The following RARB variants were observed in gnomAD, a reference collection of about 807,000 sequenced individuals.
RARB encodes retinoic acid receptor beta, also known as HBV-activated protein.
Under a neutral mutation model 51.9 loss-of-function variants are expected in RARB, and 17 were observed. The ratio of observed to expected loss-of-function variants is 0.33; its 90% CI spans 0.22 to 0.49. The LOEUF is 0.49. Ranked by LOEUF, RARB falls within the 20% of genes least tolerant of loss-of-function variation. RARB has a pLI of 0.99. For missense variants in RARB, 369 were observed against 550.8 expected, an observed-to-expected ratio of 0.67 and a Z score of 3.30; for synonymous variants, 215 against 195.4, an observed-to-expected ratio of 1.10 and a Z score of -0.84.
At chr3:25,329,744 C>G (rs562630965) in intron 5 of RARB, among the ~76,000 whole-genome samples, 9 of 152,080 alleles carry the variant, frequency 5.9e-5, no homozygotes, top group South Asian at 2.1e-4. Flanking sequence ...TGAAACCCAT[C>G]GCAAAGAAGC....
intron 1 of RARB, among the ~76,000 whole-genome samples, chr3:24,846,884 A>G (rs1239368475): frequency 6.6e-6 from 1 of 152,084 alleles, no homozygotes; most frequent in South Asian, 2.1e-4. Flanking sequence ...AAAAAAAAAA[A>G]GGAAGAGAAG....
chr3:24,852,021 C>T (rs1183342999), intron 1 of RARB, among the ~76,000 whole-genome samples: 5 of 152,238 alleles, frequency 3.3e-5, no homozygotes, highest in South Asian at 4.1e-4. Flanking sequence ...CTTGCATTTA[C>T]GTTTTGTGGC....
intron 5 of RARB, among the ~76,000 whole-genome samples, chr3:25,256,904 G>C (rs9829952): frequency 0.77 from 117,681 of 152,026 alleles, 46,008 homozygotes; most frequent in East Asian, 0.86. Flanking sequence ...CTGTCTCAGC[G>C]TCTTCTCATT....
chr3:24,966,636 C>CTG (rs1696280408), intron 2 of RARB, among the ~76,000 whole-genome samples: 1 of 150,130 alleles, frequency 6.7e-6, no homozygotes, highest in African/African-American at 2.5e-5. Flanking sequence ...CTCTCTCTCT[C>CTG]TCTCTCTCTG....
At chr3:25,263,239 C>G (rs1703050192) in intron 5 of RARB, among the ~76,000 whole-genome samples, 1 of 152,010 alleles carries the variant, frequency 6.6e-6, no homozygotes, top group South Asian at 2.1e-4. Context: ...TATCACTTAT[C>G]AGACCTTTTT....
intron 4 of RARB, among the ~76,000 whole-genome samples, chr3:25,134,524 G>A (rs185514821): frequency 2.0e-5 from 3 of 152,018 alleles, no homozygotes; most frequent in East Asian, 1.9e-4. Flanking sequence ...GAGCTAAAAC[G>A]TGTACAGTTC....
chr3:25,504,220 C>T (rs936365906), intron 3 of RARB, among the ~76,000 whole-genome samples: 1 of 152,202 alleles, frequency 6.6e-6, no homozygotes, highest in Non-Finnish European at 1.5e-5. Context: ...TTCTCTTTGT[C>T]TCTCACAGCT....
intron 2 of RARB, among the ~76,000 whole-genome samples, chr3:24,963,395 T>G (rs1052192239): frequency 1.4e-5 from 2 of 145,024 alleles, no homozygotes; most frequent in African/African-American, 5.0e-5. Context: ...GCTAAAACAT[T>G]AGGGCCTAAT....
At chr3:25,275,734 T>C (rs1187724527) in intron 5 of RARB, among the ~76,000 whole-genome samples, 2 of 145,800 alleles carry the variant, frequency 1.4e-5, no homozygotes, top group African/African-American at 2.6e-5. Context: ...ATGAGAACAC[T>C]TGGACACAGG....
At chr3:25,259,060 T>C (rs777967407) in intron 5 of RARB, 708 of 985,140 alleles carry the variant, frequency 7.2e-4, no homozygotes, top group Non-Finnish European at 8.0e-4. Flanking sequence ...AATGTGAACA[T>C]ACTTCAGTAT....
At chr3:24,900,839 G>C (rs1703588987) in intron 2 of RARB, among the ~76,000 whole-genome samples, 1 of 152,054 alleles carries the variant, frequency 6.6e-6, no homozygotes. Flanking sequence ...GGGAAAAGTT[G>C]GGTGATTATA....
intron 5 of RARB, among the ~76,000 whole-genome samples, chr3:25,403,300 G>A (rs1707315940): frequency 6.6e-6 from 1 of 152,134 alleles, no homozygotes. Flanking sequence ...AATGCTTGAG[G>A]GGATGGATAC....
At chr3:25,281,291 C>A (rs1320360035) in intron 5 of RARB, among the ~76,000 whole-genome samples, 2 of 152,196 alleles carry the variant, frequency 1.3e-5, no homozygotes, top group Non-Finnish European at 2.9e-5. Context: ...AAACTGCCTA[C>A]ACCTTGCTAA....
intron 5 of RARB, among the ~76,000 whole-genome samples, chr3:25,180,569 G>C (rs1700841313): frequency 6.6e-6 from 1 of 152,202 alleles, no homozygotes; most frequent in Non-Finnish European, 1.5e-5. Flanking sequence ...GTGGACATGA[G>C]GTCAGGTGGA....
intron 5 of RARB, among the ~76,000 whole-genome samples, chr3:25,374,394 G>A (rs1575352563): frequency 6.6e-6 from 1 of 152,114 alleles, no homozygotes; most frequent in South Asian, 2.1e-4. Context: ...TATAGGTAGG[G>A]TTAAGAAAGA....
intron 2 of RARB, among the ~76,000 whole-genome samples, chr3:24,874,636 T>C (rs1253791333): frequency 3.3e-5 from 5 of 152,030 alleles, no homozygotes; most frequent in African/African-American, 1.2e-4. Context: ...TTTTGACTCA[T>C]TTCTTTTTCT....
intron 5 of RARB, among the ~76,000 whole-genome samples, chr3:25,216,970 G>C (rs1209990882): frequency 2.0e-5 from 3 of 152,058 alleles, no homozygotes; most frequent in Non-Finnish European, 4.4e-5. Flanking sequence ...GTTGGATCTA[G>C]AGACTTAATG....
intron 2 of RARB, among the ~76,000 whole-genome samples, chr3:24,895,577 T>C (rs2125367366): frequency 6.6e-6 from 1 of 151,892 alleles, no homozygotes; most frequent in South Asian, 2.1e-4. Flanking sequence ...TCTTTCTATA[T>C]GCTAATTATC....
At chr3:25,055,383 A>G (rs966383506) in intron 2 of RARB, among the ~76,000 whole-genome samples, 1 of 152,142 alleles carries the variant, frequency 6.6e-6, no homozygotes, top group African/African-American at 2.4e-5. Context: ...GCTGTCAACA[A>G]CAAGCATCAT....
Sources: gnomAD v4.1 joint callset for allele counts (sites outside exome capture counted in the v4.1 genomes callset) on GRCh38, gnomAD v4.1.1 for gene constraint, MANE v1.5 for transcripts, NCBI Gene and HGNC (gene_info 2026-07-23, HGNC 2026-07-21) for gene names.